Variants in HTN1 observed in about 807,000 individuals in gnomAD.
The protein encoded by HTN1 is histatin-1.
In HTN1, 18 loss-of-function variants were observed where a neutral mutation model predicts 11.2. That is an observed-to-expected ratio of 1.61 (90% CI 1.12 to 2.39). The LOEUF is 2.39. HTN1 is among the 30% of genes most tolerant of loss of function. HTN1 has a pLI of 0.00. For missense variants in HTN1, 80 were observed against 67.2 expected, an observed-to-expected ratio of 1.19 and a Z score of -0.67; for synonymous variants, 21 against 20.5, an observed-to-expected ratio of 1.02 and a Z score of -0.07.
intron 1 of HTN1, among the ~76,000 whole-genome samples, chr4:70,052,313 C>T (rs983429125): frequency 1.3e-5 from 2 of 152,130 alleles, no homozygotes; most frequent in African/African-American, 2.4e-5. Context: ...GTCTCCATTG[C>T]TTTTCATTCT....
At chr4:70,058,420 G>A (rs1429984394) in intron 5 of HTN1, 160 bp from the exon 6 acceptor site, 1 of 152,090 alleles carries the variant, frequency 6.6e-6, no homozygotes, top group Non-Finnish European at 1.5e-5. Context: ...CCCACTTAAT[G>A]AGTATTTAAT....
Position 70,055,595 on chromosome 4 carries a change from T to A in HTN1, c.*26T>A, listed in dbSNP as rs1348561040. 2 of 1,389,744 alleles carry A rather than the reference T, an allele frequency of 1.4e-6. No individual in the cohort carries two copies. The highest frequency in any genetic ancestry group is 2.0e-6 in the Non-Finnish European group (2 of 978,292). 86.1% of individuals were successfully genotyped at this position (1,389,744 alleles called of 1,614,324 possible). On this transcript the variant is annotated 3_prime_UTR_variant, in exon 5 of 6. Transcript: ENST00000246896. ...TATCCTTAGTAATCATGGGGCATGA[T>A]TATAGAGGTAAGCTGACTCTAGTTG...
intron 2 of HTN1, 125 bp from the exon 3 acceptor site, chr4:70,054,197 C>T (rs1409582656): frequency 5.3e-6 from 3 of 571,282 alleles, no homozygotes; most frequent in Non-Finnish European, 6.0e-6. Context: ...CTAATTTAGT[C>T]TGTCATCAAC....
At chr4:70,050,542 T>TATA (rs1238073044) in intron 1 of HTN1, 47 bp downstream of exon 1, 1 of 152,164 alleles carries the variant, frequency 6.6e-6, no homozygotes, top group East Asian at 1.9e-4. Context: ...GCATAAGCTT[T>TATA]TGTTTGCTAA....
intron 1 of HTN1, among the ~76,000 whole-genome samples, chr4:70,051,662 T>C (rs1725897222): frequency 6.6e-6 from 1 of 152,152 alleles, no homozygotes; most frequent in Non-Finnish European, 1.5e-5. Context: ...ACATAATTTT[T>C]ATAGTTAGTC....
chr4:70,051,818 A>G (rs2109725500), intron 1 of HTN1, among the ~76,000 whole-genome samples: 1 of 152,182 alleles, frequency 6.6e-6, no homozygotes, highest in South Asian at 2.1e-4. Flanking sequence ...TTAGATGAAA[A>G]ATGTTACTGT....
intron 1 of HTN1, chr4:70,052,777 TA>T (rs375486825): frequency 1.8e-3 from 448 of 249,060 alleles, no homozygotes; most frequent in African/African-American, 9.0e-3. Flanking sequence ...ATAGTGAGAC[TA>T]AAAACATTCT....
intron 1 of HTN1, among the ~76,000 whole-genome samples, chr4:70,051,551 G>C (rs1725894067): frequency 6.6e-6 from 1 of 152,064 alleles, no homozygotes; most frequent in African/African-American, 2.4e-5. Context: ...ACTTGCAACA[G>C]AATTGACAAT....
chr4:70,054,230 T>C lies in HTN1; in HGVS notation c.52-92T>C, dbSNP rs373714721. On this transcript the variant is annotated intron_variant, in intron 2 of 5. Coordinates refer to ENST00000246896, the MANE Select transcript of HTN1 (RefSeq NM_002159.4). Reference sequence around the variant, plus strand: ...AACCAAAGAATGCCTCCATTCTGTTTAATCATATATGTGGCTAAGTCAATA... The same window carrying C: ...AACCAAAGAATGCCTCCATTCTGTTCAATCATATATGTGGCTAAGTCAATA... The C allele has an allele frequency of 7.8e-4, 630 of 803,018 alleles. 17 individuals carry two copies. The South Asian group carries it at 0.01, about 13-fold the overall frequency. 49.7% of individuals were successfully genotyped at this position (803,018 alleles called of 1,614,324 possible). A position where few individuals can be genotyped will look rare whatever the true frequency, so the allele number is the denominator to read the frequency against.
chr4:70,051,325 T>A (rs1725887573), intron 1 of HTN1, among the ~76,000 whole-genome samples: 2 of 152,182 alleles, frequency 1.3e-5, no homozygotes, highest in African/African-American at 4.8e-5. Context: ...TAAGAGTTAG[T>A]CATCTCAATC....
Position 70,053,089 on chromosome 4 carries a change from G to T in HTN1, c.13G>T (p.Val5Phe). 6.2e-7 allele frequency: 1 copy of T among 1,609,308 alleles called. No individual in the cohort carries two copies. The highest frequency in any genetic ancestry group is 8.5e-7 in the Non-Finnish European group (1 of 1,176,046). The change falls in exon 2 of 6, where the codon GTC (valine) becomes TTC (phenylalanine). Residue 5 changes from valine to phenylalanine, a missense_variant. Physicochemically the swap from Val to Phe is conservative, Grantham distance 50. Transcript: ENST00000246896. MKFF[V>F]FALVLALMIS... ...GACTCAGCCAACTATGAAGTTTTTTGTCTTTGCTTTAGTCTTGGCTCTCAT... is the reference window on the plus strand; with the variant it reads ...GACTCAGCCAACTATGAAGTTTTTTTTCTTTGCTTTAGTCTTGGCTCTCAT...
chr4:70,050,573 T>C (rs933768821), intron 1 of HTN1, 78 bp downstream of exon 1: 1 of 152,176 alleles, frequency 6.6e-6, no homozygotes, highest in South Asian at 2.1e-4. Flanking sequence ...AACCCACTTA[T>C]GAAAATGTAT....
chr4:70,054,521 T>A (rs1445393961), intron 4 of HTN1, 71 bp downstream of exon 4: 2 of 943,402 alleles, frequency 2.1e-6, no homozygotes, highest in East Asian at 2.5e-5. Flanking sequence ...CCTAGAAGAA[T>A]CAATAGTTGT....
intron 2 of HTN1, 77 bp from the exon 3 acceptor site, chr4:70,054,245 C>T (rs1725974879): frequency 1.1e-6 from 1 of 906,400 alleles, no homozygotes; most frequent in African/African-American, 1.7e-5. Flanking sequence ...ATATATGTGG[C>T]TAAGTCAATA....
At chr4:70,055,358 G>A (rs1560435872) in intron 4 of HTN1, 140 bp from the exon 5 acceptor site, 5 of 650,468 alleles carry the variant, frequency 7.7e-6, no homozygotes, top group Non-Finnish European at 1.3e-5. Flanking sequence ...AAATGTAAAA[G>A]TTTGAAAACA....
At position 70,053,125 on chromosome 4, in the gene HTN1, A is replaced by T; in HGVS notation, c.49A>T (p.Ile17Phe). ...ALVLALMISMISADSHEKRHH... is the reference protein window; with the variant it reads ...ALVLALMISMFSADSHEKRHH... ...AGTCTTGGCTCTCATGATTTCCATG[A>T]TTGTAAGTATATCTGGAAATTTTAA... Residue 17 changes from isoleucine (I) to phenylalanine (F), a missense_variant and splice_region_variant, in exon 2 of 6, where the codon ATT (isoleucine) becomes TTT (phenylalanine). By Grantham distance (21) the Ile-to-Phe change is conservative. Transcript: ENST00000246896. The T allele has an allele frequency of 6.3e-7, 1 of 1,598,002 alleles. No homozygotes were observed. The highest frequency in any genetic ancestry group is 8.6e-7 in the Non-Finnish European group (1 of 1,165,782).
chr4:70,052,099 C>T (rs1186681493), intron 1 of HTN1, among the ~76,000 whole-genome samples: 1 of 152,116 alleles, frequency 6.6e-6, no homozygotes, highest in Non-Finnish European at 1.5e-5. Flanking sequence ...ATGAGGCTAA[C>T]TTTGTTGAAT....
At chr4:70,057,017 G>A (rs1220728814) in intron 5 of HTN1, 2 of 152,186 alleles carry the variant, frequency 1.3e-5, no homozygotes, top group East Asian at 1.9e-4. Context: ...ACCATTTGAT[G>A]CAGCAATCCC....
At chr4:70,054,363 G>T in intron 3 of HTN1, 21 bp downstream of exon 3, 3 of 1,544,104 alleles carry the variant, frequency 1.9e-6, no homozygotes, top group Non-Finnish European at 1.8e-6. Flanking sequence ...TTCATTTACG[G>T]GAAAACTTGA....
Sources: allele counts gnomAD v4.1 joint callset (sites outside exome capture counted in the v4.1 genomes callset), GRCh38; gene constraint gnomAD v4.1.1; transcripts MANE v1.5; gene names NCBI Gene and HGNC (gene_info 2026-07-23, HGNC 2026-07-21).